The following CD163L1 variants were observed in gnomAD, a reference collection of about 807,000 sequenced individuals.
The protein encoded by CD163L1 is CD163 molecule like 1.
Under a neutral mutation model 165.4 loss-of-function variants are expected in CD163L1, and 124 were observed. The ratio of observed to expected loss-of-function variants is 0.75; its 90% CI spans 0.65 to 0.87. The LOEUF (loss-of-function observed/expected upper bound fraction) is 0.87, where lower values mean the gene tolerates loss of function less well. CD163L1 is among the 40% of genes least tolerant of loss of function. CD163L1 has a pLI of 0.00. For synonymous variants in CD163L1, 585 were observed against 662.2 expected, an observed-to-expected ratio of 0.88 and a Z score of 1.79; for missense variants, 1,525 against 1,799.9, an observed-to-expected ratio of 0.85 and a Z score of 2.76.
At chr12:7,403,497 A>C in intron 6 of CD163L1, 38 bp downstream of exon 6, 1 of 1,546,670 alleles carries the variant, frequency 6.5e-7, no homozygotes, top group South Asian at 1.2e-5. Context: ...ATTTCTAAAA[A>C]TTCAAATGTG....
the CD163L1 span, among the ~76,000 whole-genome samples, chr12:7,329,858 A>G: frequency 6.6e-6 from 1 of 152,212 alleles, no homozygotes; most frequent in African/African-American, 2.4e-5. Flanking sequence ...AAATACAAAT[A>G]AATATAAAAG....
intron 2 of CD163L1, among the ~76,000 whole-genome samples, chr12:7,436,494 A>G (rs2136641433): frequency 6.6e-6 from 1 of 152,326 alleles, no homozygotes; most frequent in South Asian, 2.1e-4. Flanking sequence ...AATTTAGCCC[A>G]GATGCCATGG....
At chr12:7,437,842 T>C (rs1169457289) in intron 2 of CD163L1, among the ~76,000 whole-genome samples, 2 of 151,490 alleles carry the variant, frequency 1.3e-5, no homozygotes, top group South Asian at 2.1e-4. Flanking sequence ...TCACAAAATA[T>C]CAAATTCAAA....
In CD163L1 at chr12:7,425,739, T is replaced by C. The variant is rs148298096; in HGVS notation, c.766+6677A>G. Among the ~76,000 whole-genome samples the C allele has an allele frequency of 2.8e-4, 42 of 152,310 alleles. 1 individual carries two copies. Among genetic ancestry groups the C allele is most frequent in the Admixed American group, 7.8e-4 (12 of 15,304 alleles). On this transcript the variant is annotated intron_variant, in intron 4 of 19. Coordinates refer to ENST00000313599, the MANE Select transcript of CD163L1 (RefSeq NM_174941.6). ...CATTTGAAAAAAAGCTCATCATCAC[T>C]GGTCATTAGAGAAATGCAAACCAAA... is the stretch of plus-strand genomic sequence containing the variant.
At chr12:7,350,134 TG>T (rs1376652244), downstream of CD163L1, among the ~76,000 whole-genome samples, 1 of 152,188 alleles carries the variant, frequency 6.6e-6, no homozygotes, top group African/African-American at 2.4e-5. Context: ...AATAAATGTA[TG>T]GTCCTAAATT....
At chr12:7,386,839 C>T (rs1947531832) in intron 8 of CD163L1, among the ~76,000 whole-genome samples, 1 of 151,968 alleles carries the variant, frequency 6.6e-6, no homozygotes, top group Non-Finnish European at 1.5e-5. Flanking sequence ...ATGAGAAAGG[C>T]CATATAGGAC....
the CD163L1 span, chr12:7,323,197 C>T: frequency 1.1e-5 from 17 of 1,531,794 alleles, no homozygotes; most frequent in Non-Finnish European, 1.5e-5. Context: ...AGAATATAAA[C>T]TTTTGTATAC....
At position 7,433,687 on chromosome 12, in the gene CD163L1, T is replaced by C. The variant is rs376532529; in HGVS notation, c.132A>G (p.Thr44=). 5.9e-5 allele frequency: 94 copies of C among 1,603,582 alleles called. No individual in the cohort carries two copies. Among genetic ancestry groups the C allele is most frequent in the Admixed American group, 3.9e-4 (23 of 58,816 alleles). ...CATTGACCAGCCTCAACTCCAAATC[T>C]GTTCCATCTGCAAGAAAGACAGAAA... ...SCFLISSFNG[T]DLELRLVNGD... is the part of the protein sequence containing the mutation. Residue 44 remains threonine, a synonymous_variant, in exon 3 of 20, where the codon ACA becomes ACG. Coordinates refer to ENST00000313599, the MANE Select transcript of CD163L1 (RefSeq NM_174941.6).
chr12:7,394,747 GA>G (rs1247737505), intron 8 of CD163L1, among the ~76,000 whole-genome samples: 2 of 151,882 alleles, frequency 1.3e-5, no homozygotes, highest in Non-Finnish European at 1.5e-5. Flanking sequence ...AAATTTACAA[GA>G]AAAAAACAAA....
chr12:7,439,876 T>C, intron 2 of CD163L1: 2 of 1,609,320 alleles, frequency 1.2e-6, no homozygotes, highest in South Asian at 1.1e-5. Flanking sequence ...GGCTGCGTCA[T>C]TATCCCCGCC....
chr12:7,428,641 A>T (rs1399506566), intron 4 of CD163L1, among the ~76,000 whole-genome samples: 1 of 152,070 alleles, frequency 6.6e-6, no homozygotes, highest in Non-Finnish European at 1.5e-5. Flanking sequence ...GTACTGTATC[A>T]AACCTAGACT....
At chr12:7,381,853 A>G (rs1248457161) in intron 8 of CD163L1, among the ~76,000 whole-genome samples, 5 of 151,962 alleles carry the variant, frequency 3.3e-5, no homozygotes, top group Admixed American at 3.3e-4. Flanking sequence ...CTTTGTAGCA[A>G]CATATTCCAC....
the CD163L1 span, among the ~76,000 whole-genome samples, chr12:7,337,719 G>A: frequency 6.6e-6 from 1 of 152,176 alleles, no homozygotes; most frequent in Non-Finnish European, 1.5e-5. Context: ...ACTGTTATTA[G>A]TAGTGTAAAT....
At chr12:7,338,343 T>G in the CD163L1 span, among the ~76,000 whole-genome samples, 64,056 of 151,890 alleles carry the variant, frequency 0.42, 14,714 homozygotes, top group Non-Finnish European at 0.52. Flanking sequence ...AAAAGAAAAA[T>G]AAATTGTTCC....
At chr12:7,441,021 G>C (rs770936175) in intron 2 of CD163L1, 133 bp downstream of exon 2, 1 of 657,368 alleles carries the variant, frequency 1.5e-6, no homozygotes, top group Non-Finnish European at 2.7e-6. Flanking sequence ...TTATTTACAG[G>C]GTATAGCTAT....
chr12:7,337,889 A>G, the CD163L1 span, among the ~76,000 whole-genome samples: 1 of 152,000 alleles, frequency 6.6e-6, no homozygotes, highest in Non-Finnish European at 1.5e-5. Context: ...GCAGCACTAT[A>G]CAATAGCAAA....
intron 18 of CD163L1, among the ~76,000 whole-genome samples, chr12:7,363,417 G>T (rs949658626): frequency 1.2e-4 from 17 of 146,562 alleles, no homozygotes; most frequent in Non-Finnish European, 3.1e-5. Flanking sequence ...TAGATAAAAA[G>T]AAATAATAAT....
chr12:7,409,984 C>G (rs894978070), intron 4 of CD163L1, among the ~76,000 whole-genome samples: 2 of 151,958 alleles, frequency 1.3e-5, no homozygotes. Flanking sequence ...AATTACCATC[C>G]TTAATATATG....
intron 18 of CD163L1, among the ~76,000 whole-genome samples, chr12:7,359,537 A>G (rs1250654105): frequency 6.6e-6 from 1 of 152,128 alleles, no homozygotes; most frequent in Non-Finnish European, 1.5e-5. Context: ...ATGAGAAATA[A>G]AAGATTTTCT....
Sources: allele counts gnomAD v4.1 joint callset (sites outside exome capture counted in the v4.1 genomes callset), GRCh38; gene constraint gnomAD v4.1.1; transcripts MANE v1.5; gene names NCBI Gene and HGNC (gene_info 2026-07-23, HGNC 2026-07-21).